Variants in UBQLN1 observed in about 807,000 individuals in gnomAD.
UBQLN1 encodes the protein ubiquilin-1.
A neutral mutation model predicts 65.4 loss-of-function variants in UBQLN1; 13 were observed. That is an observed-to-expected ratio of 0.20 (90% CI 0.13 to 0.32). The LOEUF (loss-of-function observed/expected upper bound fraction) is 0.32. Among genes scored for constraint, UBQLN1 ranks in the 10% least tolerant of loss-of-function variants. The pLI is 1.00. For synonymous variants in UBQLN1, 267 were observed against 247.8 expected (o/e 1.08, Z -0.73); for missense variants, 561 against 724.0 (o/e 0.77, Z 2.58).
chr9:83,678,262 C>T (rs1240395394), intron 5 of UBQLN1, among the ~76,000 whole-genome samples, 179 bp downstream of exon 5: 1 of 152,144 alleles, frequency 6.6e-6, no homozygotes, highest in African/African-American at 2.4e-5. Context: ...ACCTCGGGAT[C>T]CACCCGCCTC....
rs760831264 is a variant in UBQLN1 at position 83,666,364 on chromosome 9, T to A, written c.1318A>T (p.Thr440Ser). The change falls in exon 8 of 11, where the codon ACT becomes TCT. Residue 440 changes from threonine (T) to serine (S), a missense_variant. Physicochemically the swap from Thr to Ser is moderately conservative, Grantham distance 58 (BLOSUM62 1). Around this residue, in one of 8 missense-constraint regions of UBQLN1, gnomAD observed 102 missense variants for 150.7 expected, o/e 0.68. Transcript: ENST00000376395. ...LQEQMRQQLPTFLQQMQNPDT... is the reference protein window; with the variant it reads ...LQEQMRQQLPSFLQQMQNPDT... ...GTCTTACTCACTTGTTGGAGGAAAG[T>A]TGGGAGCTGTTGTCTCATTTGTTCT... 1 of 1,613,868 alleles carries A rather than the reference T, an allele frequency of 6.2e-7. No individual in the cohort carries two copies. Among genetic ancestry groups the A allele is most frequent in the East Asian group, 2.2e-5 (1 of 44,838 alleles).
At chr9:83,670,731 G>A (rs1211027858) in intron 6 of UBQLN1, among the ~76,000 whole-genome samples, 1 of 152,122 alleles carries the variant, frequency 6.6e-6, no homozygotes, top group Non-Finnish European at 1.5e-5. Flanking sequence ...TACCACAGCA[G>A]AACTTTCAAA....
At chr9:83,673,329 G>A (rs1489572877) in intron 6 of UBQLN1, among the ~76,000 whole-genome samples, 2 of 150,550 alleles carry the variant, frequency 1.3e-5, no homozygotes, top group Non-Finnish European at 3.0e-5. Flanking sequence ...ACCCAAGGTC[G>A]GGAGTTTGAG....
chr9:83,704,961 A>C (rs1832373969), intron 1 of UBQLN1, among the ~76,000 whole-genome samples: 1 of 152,156 alleles, frequency 6.6e-6, no homozygotes, highest in South Asian at 2.1e-4. Context: ...ACTGAAAGGA[A>C]TTTTTCTATT....
chr9:83,663,885 A>G lies in UBQLN1; in HGVS notation c.1607T>C (p.Val536Ala), dbSNP rs1277896114. The change falls in exon 10 of 11, where the codon GTA becomes GCA. Residue 536 changes from valine to alanine, a missense_variant. Coordinates refer to ENST00000376395, the MANE Select transcript of UBQLN1 (RefSeq NM_013438.5). ...IQQMLQALAG[V>A]NPQLQNPEVR... is the part of the protein sequence containing the mutation. ...GAAAAGAACTGATACCTGAGGATTT[A>G]CTCCAGCAAGAGCCTGCAGCATCTG... 2 of 1,613,622 alleles carry G rather than the reference A, an allele frequency of 1.2e-6. No homozygotes were observed. The highest frequency in any genetic ancestry group is 1.7e-6 in the Non-Finnish European group (2 of 1,179,820).
chr9:83,693,895 G>C (rs1832167250), intron 1 of UBQLN1, among the ~76,000 whole-genome samples: 1 of 152,220 alleles, frequency 6.6e-6, no homozygotes, highest in Admixed American at 6.5e-5. Flanking sequence ...ATCAGGAATA[G>C]AGATACTTAT....
chr9:83,697,612 G>A (rs1405998931), intron 1 of UBQLN1, among the ~76,000 whole-genome samples: 7 of 147,204 alleles, frequency 4.8e-5, no homozygotes, highest in African/African-American at 1.7e-4. Flanking sequence ...CTGGACTGCA[G>A]TGGCAAGATC....
chr9:83,662,768 T>C (rs566772760), intron 10 of UBQLN1, among the ~76,000 whole-genome samples: 25 of 152,336 alleles, frequency 1.6e-4, no homozygotes, highest in Non-Finnish European at 2.8e-4. Context: ...ACCCTATTTA[T>C]TATATTTAGT....
intron 6 of UBQLN1, among the ~76,000 whole-genome samples, chr9:83,674,782 G>C (rs1326577745): frequency 1.3e-5 from 2 of 152,152 alleles, no homozygotes; most frequent in Admixed American, 6.5e-5. Context: ...TGGTAAGTCT[G>C]AAGTGACCGG....
At chr9:83,671,845 T>C (rs1232328670) in intron 6 of UBQLN1, among the ~76,000 whole-genome samples, 3 of 152,182 alleles carry the variant, frequency 2.0e-5, no homozygotes, top group African/African-American at 7.2e-5. Flanking sequence ...AATTCACTTC[T>C]CTCCAGAAAT....
chr9:83,668,286 A>G, intron 7 of UBQLN1: 1 of 984,598 alleles, frequency 1.0e-6, no homozygotes, highest in Non-Finnish European at 1.2e-6. Context: ...TAGAATTTAG[A>G]AAATAAAAAC....
chr9:83,684,514 T>C (rs1376203966), intron 2 of UBQLN1, among the ~76,000 whole-genome samples: 1 of 151,896 alleles, frequency 6.6e-6, no homozygotes. Context: ...CTTAGTATTA[T>C]CTCTAAAAGG....
chr9:83,690,742 T>C (rs1230563716), intron 1 of UBQLN1, among the ~76,000 whole-genome samples: 2 of 91,262 alleles, frequency 2.2e-5, no homozygotes, highest in African/African-American at 6.9e-5. Context: ...CCAGACTCTG[T>C]CTCAAAAAAA....
At chr9:83,675,143 C>G (rs1210197256) in intron 6 of UBQLN1, among the ~76,000 whole-genome samples, 4 of 152,096 alleles carry the variant, frequency 2.6e-5, no homozygotes, top group Non-Finnish European at 4.4e-5. Context: ...AACAATAACT[C>G]AATATTCTGA....
At chr9:83,688,196 T>C (rs894794577) in intron 1 of UBQLN1, among the ~76,000 whole-genome samples, 1 of 152,210 alleles carries the variant, frequency 6.6e-6, no homozygotes, top group African/African-American at 2.4e-5. Flanking sequence ...AGTCAATAAA[T>C]GGTAGCTACT....
rs143923981 is a variant in UBQLN1 at position 83,677,523 on chromosome 9, T to C, written c.1105+204A>G. On this transcript the variant is annotated intron_variant, in intron 6 of 10. Transcript: ENST00000376395. The stretch of plus-strand genomic sequence containing the variant: ...GTTGCGGTGAGCTGAGATCGTGCCA[T>C]TGTACTCCAGCCTGTGCAACAAGAG... 8.3e-3 allele frequency among the ~76,000 whole-genome samples: 1,265 copies of C among 152,252 alleles called. 35 individuals are homozygous for C. Among genetic ancestry groups the C allele is most frequent in the East Asian group, 0.046 (236 of 5,178 alleles).
Position 83,678,541 on chromosome 9 carries a change from C to T in UBQLN1, c.770G>A (p.Arg257Gln). 1 of 1,613,724 alleles carries T rather than the reference C, an allele frequency of 6.2e-7. No individual in the cohort carries two copies. The highest frequency in any genetic ancestry group is 8.5e-7 in the Non-Finnish European group (1 of 1,179,892). ...MMQEMMRNQD[R>Q]ALSNLESIPG... ...GATGCTTTCTAGGTTGCTCAAAGCT[C>T]GGTCCTGGTTCCTCATCATCTCCTG... The change falls in exon 5 of 11, where the codon CGA becomes CAA. Residue 257 changes from arginine to glutamine, a missense_variant. Around this residue, in one of 8 missense-constraint regions of UBQLN1, gnomAD observed 75 missense variants for 138.9 expected, o/e 0.54. Coordinates refer to ENST00000376395, the MANE Select transcript of UBQLN1 (RefSeq NM_013438.5).
intron 1 of UBQLN1, among the ~76,000 whole-genome samples, chr9:83,693,512 CTTCT>C (rs1832162041): frequency 1.3e-5 from 2 of 151,716 alleles, no homozygotes; most frequent in African/African-American, 4.8e-5. Flanking sequence ...GAAAGCATAC[CTTCT>C]TTCTCCCCTA....
chr9:83,695,320 T>C (rs1832192792), intron 1 of UBQLN1, among the ~76,000 whole-genome samples: 2 of 151,358 alleles, frequency 1.3e-5, no homozygotes, highest in Admixed American at 1.3e-4. Context: ...TGCCTCAGCC[T>C]CCCAGGTGGC....
Sources: gnomAD v4.1 joint callset for allele counts (sites outside exome capture counted in the v4.1 genomes callset) on GRCh38, gnomAD v4.1.1 for gene constraint, gnomAD v4.1.1 regional missense constraint, MANE v1.5 for transcripts, NCBI Gene and HGNC (gene_info 2026-07-23, HGNC 2026-07-21) for gene names.